Variants in RGS17 observed in about 807,000 individuals in gnomAD.
RGS17 encodes regulator of G protein signaling 17, also known as regulator of G-protein signaling 17.
RGS17 carries 12 observed loss-of-function variants against 25.5 expected under a neutral mutation model. The ratio of observed to expected loss-of-function variants is 0.47; its 90% CI spans 0.30 to 0.76. RGS17 has a LOEUF of 0.76. RGS17 is among the 30% of genes least tolerant of loss of function. The probability of loss-of-function intolerance (pLI) is 0.07; values close to 1 mark genes in which losing one functional copy is unlikely to be tolerated. For synonymous variants in RGS17, 71 were observed against 76.9 expected, an observed-to-expected ratio of 0.92 and a Z score of 0.40; for missense variants, 196 against 242.2, an observed-to-expected ratio of 0.81 and a Z score of 1.27.
At chr6:153,012,208 G>A (rs1414681147) in intron 4 of RGS17, among the ~76,000 whole-genome samples, 1 of 152,124 alleles carries the variant, frequency 6.6e-6, no homozygotes, top group Admixed American at 6.5e-5. Context: ...CATATAAAAT[G>A]CCAACTCCCC....
chr6:153,035,325 C>G (rs555054290), intron 2 of RGS17, among the ~76,000 whole-genome samples: 1 of 151,896 alleles, frequency 6.6e-6, no homozygotes, highest in African/African-American at 2.4e-5. Flanking sequence ...TTTTATAGCA[C>G]CCAGTCCAGC....
chr6:153,032,465 AAT>A (rs1212659089), intron 2 of RGS17, among the ~76,000 whole-genome samples: 1 of 152,162 alleles, frequency 6.6e-6, no homozygotes, highest in East Asian at 1.9e-4. Context: ...TCAGCTATCA[AAT>A]ATCTGTCCAC....
intron 1 of RGS17, among the ~76,000 whole-genome samples, chr6:153,126,541 C>A (rs1777707406): frequency 6.6e-6 from 1 of 152,050 alleles, no homozygotes; most frequent in African/African-American, 2.4e-5. Context: ...AAAAATGTAC[C>A]AGAACAGCAG....
intron 1 of RGS17, among the ~76,000 whole-genome samples, chr6:153,079,029 C>T (rs1490091052): frequency 6.6e-6 from 1 of 152,014 alleles, no homozygotes; most frequent in East Asian, 1.9e-4. Context: ...TTCTTTTTCT[C>T]ACCTTATTAC....
In RGS17 at chr6:153,131,104, T is replaced by A. The variant is rs1218794871; in HGVS notation, c.-26+20A>T. 1 of 151,908 alleles carries A rather than the reference T, an allele frequency of 6.6e-6. No homozygotes were observed. Among genetic ancestry groups the A allele is most frequent in the Non-Finnish European group, 1.5e-5 (1 of 68,002 alleles). The allele number at this position is 151,908 out of a possible 1,614,324, so 9.4% of individuals were successfully genotyped here. A position where few individuals can be genotyped will look rare whatever the true frequency, so the allele number is the denominator to read the frequency against. On this transcript the variant is annotated intron_variant, in intron 1 of 4. Transcript: ENST00000206262. ...GATGTCATTTACTTAGCACCGCTTG[T>A]TTTGGAGGCAGCGTCTTACCCGGTC...
intron 2 of RGS17, among the ~76,000 whole-genome samples, chr6:153,028,941 T>C (rs1779331993): frequency 6.6e-6 from 1 of 152,226 alleles, no homozygotes; most frequent in Non-Finnish European, 1.5e-5. Flanking sequence ...GCCTTTGCCG[T>C]AGAGTGACAA....
chr6:153,024,205 C>A, intron 4 of RGS17, 57 bp downstream of exon 4: 1 of 1,156,796 alleles, frequency 8.6e-7, no homozygotes, highest in South Asian at 1.3e-5. Context: ...GACAGCCATC[C>A]CTTGACGGTT....
chr6:153,060,039 T>C (rs1401701381), intron 1 of RGS17, among the ~76,000 whole-genome samples: 1 of 152,120 alleles, frequency 6.6e-6, no homozygotes, highest in Non-Finnish European at 1.5e-5. Context: ...CTCAGGTCAC[T>C]GAGACCTAGG....
intron 1 of RGS17, among the ~76,000 whole-genome samples, chr6:153,116,880 C>T (rs981841070): frequency 6.6e-6 from 1 of 152,024 alleles, no homozygotes; most frequent in African/African-American, 2.4e-5. Context: ...ACAATGAGAA[C>T]ACATGGACAC....
intron 1 of RGS17, among the ~76,000 whole-genome samples, chr6:153,084,961 AATAAG>A (rs1178855966): frequency 6.6e-6 from 1 of 152,228 alleles, no homozygotes; most frequent in Non-Finnish European, 1.5e-5. Context: ...TATATTTGTA[AATAAG>A]ATAACGTTAC....
intron 1 of RGS17, among the ~76,000 whole-genome samples, chr6:153,069,695 G>A (rs1214440266): frequency 1.3e-5 from 2 of 151,736 alleles, no homozygotes; most frequent in Non-Finnish European, 2.9e-5. Flanking sequence ...TGAATTGCAT[G>A]CCTGTATCAT....
intron 1 of RGS17, among the ~76,000 whole-genome samples, chr6:153,070,816 CATAT>C (rs920793211): frequency 6.6e-6 from 1 of 150,558 alleles, no homozygotes; most frequent in African/African-American, 2.4e-5. Flanking sequence ...TACACATATA[CATAT>C]ACATATATAC....
At chr6:153,035,501 A>C (rs1776227725) in intron 2 of RGS17, among the ~76,000 whole-genome samples, 2 of 152,228 alleles carry the variant, frequency 1.3e-5, no homozygotes, top group Admixed American at 1.3e-4. Flanking sequence ...GCCCATAAGA[A>C]ATAATGAAGA....
chr6:153,057,571 T>C (rs1477524194), intron 1 of RGS17, among the ~76,000 whole-genome samples: 1 of 152,194 alleles, frequency 6.6e-6, no homozygotes, highest in Non-Finnish European at 1.5e-5. Flanking sequence ...GGGACCAGTT[T>C]CATGGAAGAC....
intron 1 of RGS17, among the ~76,000 whole-genome samples, chr6:153,124,734 AT>A (rs1273849932): frequency 2.6e-5 from 4 of 152,182 alleles, no homozygotes; most frequent in African/African-American, 7.2e-5. Context: ...TTTAAGGGCA[AT>A]TTTCCATAAG....
intron 1 of RGS17, among the ~76,000 whole-genome samples, chr6:153,076,995 T>G (rs1016730393): frequency 6.6e-6 from 1 of 152,154 alleles, no homozygotes; most frequent in Non-Finnish European, 1.5e-5. Flanking sequence ...AAATGTACTT[T>G]CATCATGAAG....
chr6:153,031,077 T>C (rs930674537), intron 2 of RGS17, among the ~76,000 whole-genome samples: 3 of 152,216 alleles, frequency 2.0e-5, no homozygotes, highest in Admixed American at 2.0e-4. Context: ...AATACAAATG[T>C]AGAACAGAAT....
chr6:153,032,384 C>T (rs924409751), intron 2 of RGS17, among the ~76,000 whole-genome samples: 19 of 152,010 alleles, frequency 1.2e-4, no homozygotes, highest in African/African-American at 4.4e-4. Context: ...AATCATGTGC[C>T]GTGTGTCATG....
Position 153,011,315 on chromosome 6 carries a change from C to T in RGS17, c.*259G>A. On this transcript the variant is annotated 3_prime_UTR_variant, in exon 5 of 5. Coordinates refer to ENST00000206262, the MANE Select transcript of RGS17 (RefSeq NM_012419.5). ...CACGAGGAGACTGTTCATAGGACTA[C>T]AAATACACTTTGCTTGCAAGTAGAA... The T allele has an allele frequency of 4.6e-6, 2 of 436,444 alleles. No homozygotes were observed. Among genetic ancestry groups the T allele is most frequent in the Non-Finnish European group, 8.2e-6 (2 of 243,924 alleles). 27.0% of individuals were successfully genotyped at this position (436,444 alleles called of 1,614,324 possible). A position where few individuals can be genotyped will look rare whatever the true frequency, so the allele number is the denominator to read the frequency against.
Sources: gnomAD v4.1 joint callset for allele counts (sites outside exome capture counted in the v4.1 genomes callset) on GRCh38, gnomAD v4.1.1 for gene constraint, MANE v1.5 for transcripts, NCBI Gene and HGNC (gene_info 2026-07-23, HGNC 2026-07-21) for gene names.